The following SF3B3 variants were observed in gnomAD, a reference collection of about 807,000 sequenced individuals.
SF3B3 encodes the protein splicing factor 3b subunit 3.
Under a neutral mutation model 139.2 loss-of-function variants are expected in SF3B3, and 33 were observed. The ratio of observed to expected loss-of-function variants is 0.24; its 90% CI spans 0.18 to 0.32. The LOEUF (loss-of-function observed/expected upper bound fraction) is 0.32, where lower values mean the gene tolerates loss of function less well. Ranked by LOEUF, SF3B3 falls within the 10% of genes least tolerant of loss-of-function variation. SF3B3 has a pLI of 1.00. For missense variants in SF3B3, 818 were observed against 1,509.4 expected, an observed-to-expected ratio of 0.54 and a Z score of 7.59; for synonymous variants, 596 against 563.6, an observed-to-expected ratio of 1.06 and a Z score of -0.81.
intron 3 of SF3B3, 53 bp from the exon 4 acceptor site, chr16:70,530,692 T>C: frequency 7.0e-7 from 1 of 1,436,814 alleles, no homozygotes; most frequent in Non-Finnish European, 9.6e-7. Context: ...GTTCTATAAG[T>C]CTCTCTTCTC....
At chr16:70,570,333 G>GTTTTTTTT (rs71151192) in intron 24 of SF3B3, among the ~76,000 whole-genome samples, 184 bp downstream of exon 24, 1 of 121,804 alleles carries the variant, frequency 8.2e-6, no homozygotes, top group Non-Finnish European at 1.7e-5. Context: ...AGGCCATTTG[G>GTTTTTTTT]TTTTTTTTTT....
Position 70,565,955 on chromosome 16 carries a change from A to G in SF3B3, c.2826+431A>G, listed in dbSNP as rs566122631. On this transcript the variant is annotated intron_variant, in intron 20 of 25. Transcript: ENST00000302516. ...AACATGGTGAAAGCCTGTCTCTACT[A>G]AAAATACAAAAATCAGCCAGGCATG... Among the ~76,000 whole-genome samples the G allele has an allele frequency of 4.6e-5, 7 of 152,090 alleles. No individual in the cohort carries two copies. In the South Asian group the frequency reaches 1.2e-3, roughly 27 times the overall value.
Position 70,568,483 on chromosome 16 carries a change from C to A in SF3B3, c.3153C>A (p.Gly1051=). The A allele has an allele frequency of 6.2e-7, 1 of 1,613,394 alleles. No individual in the cohort carries two copies. Among genetic ancestry groups the A allele is most frequent in the Non-Finnish European group, 8.5e-7 (1 of 1,179,604 alleles). The part of the protein sequence containing the change: ...YDTVAGADKF[G]NICVVRLPPN... ...CTGTGGCTGGGGCAGACAAGTTTGG[C>A]AACATATGTGTGGTGAGTTGATGTT... The change falls in exon 22 of 26, where the codon GGC becomes GGA. Residue 1051 remains glycine, a synonymous_variant. Coordinates refer to ENST00000302516, the MANE Select transcript of SF3B3 (RefSeq NM_012426.5).
At chr16:70,541,565 G>A (rs1230976320) in intron 8 of SF3B3, 104 bp from the exon 9 acceptor site, 22 of 885,330 alleles carry the variant, frequency 2.5e-5, no homozygotes, top group Non-Finnish European at 3.7e-5. Context: ...AATAACAATA[G>A]TATCTTAATA....
chr16:70,561,872 G>A (rs2050432210), intron 17 of SF3B3, 88 bp downstream of exon 17: 1 of 1,190,022 alleles, frequency 8.4e-7, no homozygotes, highest in Non-Finnish European at 1.2e-6. Flanking sequence ...AGGAGGCTGT[G>A]AAGAGGTGGC....
At chr16:70,566,946 A>T (rs1445935609) in intron 20 of SF3B3, among the ~76,000 whole-genome samples, 1 of 151,826 alleles carries the variant, frequency 6.6e-6, no homozygotes, top group African/African-American at 2.4e-5. Flanking sequence ...GCTACTCGGG[A>T]GTCTGAGGTG....
chr16:70,571,017 T>C, intron 24 of SF3B3, 78 bp from the exon 25 acceptor site: 1 of 926,810 alleles, frequency 1.1e-6, no homozygotes, highest in Non-Finnish European at 1.8e-6. Context: ...GAATGGCTTG[T>C]CTGTTCGTTG....
chr16:70,539,077 A>G (rs1478522231), intron 7 of SF3B3, 27 bp from the exon 8 acceptor site: 2 of 1,513,090 alleles, frequency 1.3e-6, no homozygotes, highest in African/African-American at 2.7e-5. Flanking sequence ...CTTTGTTTGT[A>G]CACCAGAATG....
At chr16:70,528,638 G>A (rs1044300975) in intron 2 of SF3B3, among the ~76,000 whole-genome samples, 1 of 151,722 alleles carries the variant, frequency 6.6e-6, no homozygotes, top group South Asian at 2.1e-4. Flanking sequence ...TTTTTTTTGA[G>A]ACGGAGTTTT....
In SF3B3 at chr16:70,563,947, A is replaced by G. The variant is rs746109114; in HGVS notation, c.2360A>G (p.Lys787Arg). ...TTCCCACTGCAGTACACACCCAGGA[A>G]ATTTGTCATCCACCCTGAGAGTAAC... ...VAFPLQYTPR[K>R]FVIHPESNNL... The change falls in exon 18 of 26, where the codon AAA becomes AGA. Residue 787 changes from lysine (K) to arginine (R), a missense_variant. By Grantham distance (26) the Lys-to-Arg change is conservative (BLOSUM62 2). Coordinates refer to ENST00000302516, the MANE Select transcript of SF3B3 (RefSeq NM_012426.5). The G allele has an allele frequency of 1.2e-6, 2 of 1,614,120 alleles. No homozygotes were observed.
At chr16:70,531,712 A>G (rs539206133) in intron 4 of SF3B3, among the ~76,000 whole-genome samples, 29 of 152,250 alleles carry the variant, frequency 1.9e-4, no homozygotes, top group Non-Finnish European at 3.8e-4. Context: ...CTCCCTATGG[A>G]AACAAGATAT....
At chr16:70,568,039 C>A (rs1477446097) in intron 21 of SF3B3, among the ~76,000 whole-genome samples, 2 of 152,184 alleles carry the variant, frequency 1.3e-5, no homozygotes, top group African/African-American at 4.8e-5. Context: ...ACTTACCAAA[C>A]AAGAACCAGC....
intron 15 of SF3B3, 91 bp downstream of exon 15, chr16:70,557,120 A>G (rs1180550199): frequency 1.5e-6 from 2 of 1,343,082 alleles, no homozygotes; most frequent in Non-Finnish European, 1.0e-6. Flanking sequence ...TTCTCTGCCC[A>G]TGGTTTCAGA....
In SF3B3 at chr16:70,565,248, G is replaced by A; in HGVS notation, c.2647G>A (p.Glu883Lys). The A allele has an allele frequency of 3.7e-6, 6 of 1,614,200 alleles. No individual in the cohort carries two copies. The highest frequency in any genetic ancestry group is 5.1e-6 in the Non-Finnish European group (6 of 1,180,040). ...QGNTLDLVQL[E>K]QNEAAFSVAV... is the part of the protein sequence containing the mutation. ...GAACACACTGGACCTTGTCCAGCTG[G>A]AACAGAATGAGGCAGCTTTTAGGTA... The change falls in exon 19 of 26, where the codon GAA becomes AAA. Residue 883 changes from glutamate to lysine, a missense_variant. Around this residue, in one of 14 missense-constraint regions of SF3B3, gnomAD observed 145 missense variants for 153.6 expected, o/e 0.94. Transcript: ENST00000302516.
At chr16:70,524,511 G>T (rs2050031947) in intron 1 of SF3B3, 1 of 146,780 alleles carries the variant, frequency 6.8e-6, no homozygotes, top group Non-Finnish European at 1.5e-5. Flanking sequence ...AGTTTTTTTT[G>T]TTTTGTTTTG....
chr16:70,555,434 G>A (rs1335353212), intron 13 of SF3B3, among the ~76,000 whole-genome samples: 1 of 135,918 alleles, frequency 7.4e-6, no homozygotes, highest in African/African-American at 2.8e-5. Flanking sequence ...AGCTGAGATT[G>A]CACCACTGCA....
intron 9 of SF3B3, among the ~76,000 whole-genome samples, chr16:70,542,112 C>G (rs184757856): frequency 6.6e-6 from 1 of 152,164 alleles, no homozygotes; most frequent in Non-Finnish European, 1.5e-5. Flanking sequence ...AAGTCCTCCC[C>G]GTAATCTTCT....
chr16:70,561,854 A>T, intron 17 of SF3B3, 70 bp downstream of exon 17: 1 of 1,398,744 alleles, frequency 7.1e-7, no homozygotes, highest in Middle Eastern at 2.2e-4. Context: ...GTTCTGCCAG[A>T]GTGTTGGAGG....
Position 70,576,623 on chromosome 16 carries a change from G to C in SF3B3, c.*4810G>C, listed in dbSNP as rs2050583184. ...TATTAGGGCCTCCAGCTGTTATGAG[G>C]ACACACTGGGGAATCTCAGCTTTAG... On this transcript the variant is annotated 3_prime_UTR_variant, in exon 26 of 26. Transcript: ENST00000302516. The C allele has an allele frequency of 6.6e-6, 1 of 152,166 alleles. No homozygotes were observed. The highest frequency in any genetic ancestry group is 1.5e-5 in the Non-Finnish European group (1 of 68,054). The allele number at this position is 152,166 out of a possible 1,614,324, so 9.4% of individuals were successfully genotyped here.
Sources: allele counts gnomAD v4.1 joint callset (sites outside exome capture counted in the v4.1 genomes callset), GRCh38; gene constraint gnomAD v4.1.1; regional missense constraint gnomAD v4.1.1; transcripts MANE v1.5; gene names NCBI Gene and HGNC (gene_info 2026-07-23, HGNC 2026-07-21).